TTI1: variants seen among roughly 807,000 people sequenced by gnomAD.
TTI1 encodes the protein TELO2 interacting protein 1, also known as TELO2-interacting protein 1 homolog.
TTI1 carries 52 observed loss-of-function variants against 85.4 expected under a neutral mutation model. The observed-to-expected ratio is 0.61, with a 90% CI of 0.49 to 0.77. The LOEUF (loss-of-function observed/expected upper bound fraction) is 0.77. Among genes scored for constraint, TTI1 ranks in the 30% least tolerant of loss-of-function variants. TTI1 has a pLI of 0.00. For missense variants in TTI1, 1,173 were observed against 1,296.0 expected (o/e 0.91, Z 1.46); for synonymous variants, 512 against 503.9 (o/e 1.02, Z -0.22).
At position 38,018,430 on chromosome 20, in the gene TTI1, ACT is replaced by A. The variant is rs1476006056; in HGVS notation, c.-41-4575_-41-4574del. On this transcript the variant is annotated intron_variant, in intron 1 of 7. Transcript: ENST00000373447. ...AGATAGGTCAATAAAAAATATTCAA[ACT>A]CAATTAGAAAAATGAATGGTAAACA... Among the ~76,000 whole-genome samples the A allele has an allele frequency of 2.0e-5, 3 of 152,194 alleles. No homozygotes were observed. In the East Asian group the frequency reaches 5.8e-4, roughly 29 times the overall value.
intron 7 of TTI1, among the ~76,000 whole-genome samples, chr20:37,993,034 C>A (rs1314318211): frequency 6.6e-6 from 1 of 152,066 alleles, no homozygotes; most frequent in Non-Finnish European, 1.5e-5. Flanking sequence ...GCTAAGCCCT[C>A]CTCCCACACC....
intron 7 of TTI1, among the ~76,000 whole-genome samples, chr20:37,988,471 C>A (rs1380489730): frequency 6.6e-6 from 1 of 152,236 alleles, no homozygotes; most frequent in African/African-American, 2.4e-5. Context: ...AAACCGCCAG[C>A]CAATGAGGGC....
chr20:37,983,679 A>G, intron 7 of TTI1, 40 bp from the exon 8 acceptor site: 1 of 1,447,932 alleles, frequency 6.9e-7, no homozygotes, highest in Non-Finnish European at 9.1e-7. Flanking sequence ...GGGTACAGAG[A>G]GGGAAGGCGG....
intron 1 of TTI1, among the ~76,000 whole-genome samples, chr20:38,029,498 T>C (rs1225580936): frequency 6.6e-6 from 1 of 151,428 alleles, no homozygotes; most frequent in Non-Finnish European, 1.5e-5. Context: ...ATGAAATAAA[T>C]AACTGGTTCT....
chr20:38,000,044 A>T (rs2073399396), intron 4 of TTI1, among the ~76,000 whole-genome samples: 1 of 152,238 alleles, frequency 6.6e-6, no homozygotes, highest in African/African-American at 2.4e-5. Context: ...GAGCAAAGTG[A>T]TGTGGCCGCG....
chr20:37,996,854 G>A lies in TTI1; in HGVS notation c.2893C>T (p.Pro965Ser), dbSNP rs1425988563. 2 of 1,614,184 alleles carry A rather than the reference G, an allele frequency of 1.2e-6. No individual in the cohort carries two copies. Among genetic ancestry groups the A allele is most frequent in the Non-Finnish European group, 1.7e-6 (2 of 1,180,028 alleles). Reference sequence around the variant, plus strand: ...ACTGGTCCAGCCCTGGCACTGATGGGGGCCTGGGTGACTAGGGAGCCAGCC... The same window carrying A: ...ACTGGTCCAGCCCTGGCACTGATGGAGGCCTGGGTGACTAGGGAGCCAGCC... ...KLAGSLVTQA[P>S]ISARAGPVYS... The change falls in exon 6 of 8, where the codon CCC (proline) becomes TCC (serine). Residue 965 changes from proline to serine, a missense_variant. Transcript: ENST00000373447.
intron 7 of TTI1, among the ~76,000 whole-genome samples, chr20:37,988,230 G>T (rs565047503): frequency 2.0e-5 from 3 of 152,172 alleles, no homozygotes; most frequent in Admixed American, 6.5e-5. Flanking sequence ...GGAGAGGCAC[G>T]GCAAGTTGCT....
At chr20:38,028,612 C>T (rs559758612) in intron 1 of TTI1, among the ~76,000 whole-genome samples, 5 of 152,180 alleles carry the variant, frequency 3.3e-5, no homozygotes, top group Admixed American at 6.5e-5. Flanking sequence ...GACCAAAAAT[C>T]CACAAGGATA....
intron 7 of TTI1, 48 bp from the exon 8 acceptor site, chr20:37,983,687 C>A (rs754778047): frequency 1.4e-6 from 2 of 1,419,504 alleles, no homozygotes; most frequent in Admixed American, 2.9e-5. Flanking sequence ...AGAGGGAAGG[C>A]GGGGAATGCT....
chr20:38,030,561 A>ACG (rs1491234009), intron 1 of TTI1, among the ~76,000 whole-genome samples: 55 of 151,556 alleles, frequency 3.6e-4, no homozygotes, highest in African/African-American at 1.3e-3. Context: ...ACACACACAC[A>ACG]CCATGATAAA....
At position 38,012,683 on chromosome 20, in the gene TTI1, C is replaced by G. The variant is rs771550127; in HGVS notation, c.1134G>C (p.Leu378=). The G allele has an allele frequency of 6.2e-7, 1 of 1,614,208 alleles. No homozygotes were observed. The highest frequency in any genetic ancestry group is 1.7e-5 in the Admixed American group (1 of 60,018). The part of the protein sequence containing the change: ...KALADILSES[L]HSLATSLPRL... ...GAGGAAGAGATGTGGCAAGGGAATG[C>G]AGGCTTTCTGACAAGATGTCAGCGA... is the stretch of plus-strand genomic sequence containing the variant. Residue 378 remains leucine (L), a synonymous_variant, in exon 2 of 8, where the codon CTG becomes CTC. Transcript: ENST00000373447.
intron 1 of TTI1, among the ~76,000 whole-genome samples, chr20:38,014,915 C>T (rs1697107733): frequency 6.6e-6 from 1 of 152,032 alleles, no homozygotes; most frequent in Non-Finnish European, 1.5e-5. Context: ...AAAGTGTGGC[C>T]CAAGGGTACT....
chr20:37,994,762 G>A (rs539399093), intron 7 of TTI1, among the ~76,000 whole-genome samples: 2 of 152,158 alleles, frequency 1.3e-5, no homozygotes, highest in African/African-American at 4.8e-5. Context: ...AGGGAGCTGC[G>A]GTCAAGTGGT....
chr20:38,001,063 T>C (rs1332032058), intron 4 of TTI1, among the ~76,000 whole-genome samples: 1 of 152,178 alleles, frequency 6.6e-6, no homozygotes, highest in East Asian at 1.9e-4. Flanking sequence ...CTTTCTCCAA[T>C]ATGTATGAGT....
At chr20:38,020,323 A>AAATATATATATATATATATAT in intron 1 of TTI1, among the ~76,000 whole-genome samples, 12 of 50,378 alleles carry the variant, frequency 2.4e-4, no homozygotes, top group East Asian at 5.7e-4. Flanking sequence ...AAAAAAAAAA[A>AAATATATATATATATATATAT]ATATATATAT....
intron 2 of TTI1, among the ~76,000 whole-genome samples, chr20:38,011,134 A>G (rs1360398631): frequency 6.6e-6 from 1 of 152,258 alleles, no homozygotes; most frequent in Non-Finnish European, 1.5e-5. Context: ...AACTCTATGC[A>G]TCATCAGAAG....
At chr20:37,999,420 G>C (rs970715352) in intron 4 of TTI1, 92 bp from the exon 5 acceptor site, 2 of 1,268,088 alleles carry the variant, frequency 1.6e-6, no homozygotes, top group South Asian at 5.6e-5. Context: ...ATTTAGAAAC[G>C]TATTAATTGG....
chr20:37,992,423 C>T (rs980878018), intron 7 of TTI1, among the ~76,000 whole-genome samples: 1 of 152,044 alleles, frequency 6.6e-6, no homozygotes, highest in African/African-American at 2.4e-5. Context: ...ACAACAGGTG[C>T]ACACCACCAC....
chr20:38,008,241 C>T (rs1008205243), intron 2 of TTI1, among the ~76,000 whole-genome samples: 2 of 152,200 alleles, frequency 1.3e-5, no homozygotes, highest in South Asian at 4.2e-4. Flanking sequence ...AAAATTTAAA[C>T]GTAATACCCT....
Sources: gnomAD v4.1 joint callset for allele counts (sites outside exome capture counted in the v4.1 genomes callset) on GRCh38, gnomAD v4.1.1 for gene constraint, MANE v1.5 for transcripts, NCBI Gene and HGNC (gene_info 2026-07-23, HGNC 2026-07-21) for gene names.